The following OPCML variants were observed in gnomAD, a reference collection of about 807,000 sequenced individuals.
The protein encoded by OPCML is opioid binding protein/cell adhesion molecule like, also known as opioid-binding protein/cell adhesion molecule.
In OPCML, 13 loss-of-function variants were observed where a neutral mutation model predicts 37.8. That is an observed-to-expected ratio of 0.34 (90% confidence interval 0.22 to 0.55). OPCML has a LOEUF of 0.55. OPCML is among the 20% of genes least tolerant of loss of function. The pLI is 0.91. For synonymous variants in OPCML, 176 were observed against 168.8 expected (o/e 1.04, Z -0.33); for missense variants, 341 against 435.6 (o/e 0.78, Z 1.93).
intron 1 of OPCML, among the ~76,000 whole-genome samples, chr11:133,176,590 T>C (rs1160718447): frequency 1.3e-5 from 2 of 152,048 alleles, no homozygotes; most frequent in Non-Finnish European, 2.9e-5. Flanking sequence ...ATAGAAGCTC[T>C]CCTAAGACCT....
chr11:132,536,621 T>C (rs1041339599), intron 3 of OPCML, among the ~76,000 whole-genome samples: 7 of 152,188 alleles, frequency 4.6e-5, no homozygotes, highest in African/African-American at 1.7e-4. Flanking sequence ...TTTTAAACAC[T>C]CAAGGCTATT....
chr11:133,389,767 A>G (rs1945129374), intron 1 of OPCML, among the ~76,000 whole-genome samples: 1 of 152,214 alleles, frequency 6.6e-6, no homozygotes, highest in Non-Finnish European at 1.5e-5. Context: ...TTCAGGCTCC[A>G]TACATAGATG....
chr11:133,004,373 C>G (rs1000558828), intron 1 of OPCML: 8 of 985,350 alleles, frequency 8.1e-6, no homozygotes, highest in Admixed American at 1.2e-4. Context: ...AATGGTTCTG[C>G]TCTCTCTTCA....
rs540920113 is a variant in OPCML at position 132,943,215 on chromosome 11, G to A, written c.62-205C>T. 4.7e-4 allele frequency: 681 copies of A among 1,451,944 alleles called. 4 individuals carry two copies. Among genetic ancestry groups the A allele is most frequent in the Middle Eastern group, 3.2e-3 (18 of 5,564 alleles). The allele number at this position is 1,451,944 out of a possible 1,614,324, so 89.9% of individuals were successfully genotyped here. ...GAAGGGGCAGAGTTCGCCAGGAGCA[G>A]GGGGAAGGAGAAGAGAGGAGTCCGG... On this transcript the variant is annotated intron_variant, in intron 1 of 7. Coordinates refer to ENST00000524381, the MANE Select transcript of OPCML (RefSeq NM_001012393.5). The surrounding 1 kb of genome is among the most constrained non-coding windows in gnomAD (Gnocchi z 4.3).
chr11:132,658,166 G>A (rs1941795871), intron 2 of OPCML, among the ~76,000 whole-genome samples: 1 of 152,194 alleles, frequency 6.6e-6, no homozygotes, highest in South Asian at 2.1e-4. Context: ...TGAGGACGTG[G>A]GAATGGAAGC....
At chr11:133,273,808 A>G (rs879940847) in intron 1 of OPCML, among the ~76,000 whole-genome samples, 3 of 152,156 alleles carry the variant, frequency 2.0e-5, no homozygotes, top group African/African-American at 2.4e-5. Flanking sequence ...TTGCAAGCCA[A>G]TGTCCGTCAT....
At chr11:133,122,975 C>A (rs541299429) in intron 1 of OPCML, among the ~76,000 whole-genome samples, 1 of 152,274 alleles carries the variant, frequency 6.6e-6, no homozygotes, top group Admixed American at 6.5e-5. Context: ...TAAAATACTG[C>A]AAAGATAGAT....
intron 1 of OPCML, among the ~76,000 whole-genome samples, chr11:132,972,540 T>C (rs1425960467): frequency 6.6e-6 from 1 of 152,234 alleles, no homozygotes; most frequent in Non-Finnish European, 1.5e-5. Flanking sequence ...CGTGTGCGTT[T>C]TTATTAAAGC....
intron 2 of OPCML, among the ~76,000 whole-genome samples, chr11:132,766,040 C>A (rs1202302771): frequency 6.6e-6 from 1 of 151,442 alleles, no homozygotes; most frequent in Non-Finnish European, 1.5e-5. Context: ...AAACAAATAA[C>A]ATAAATTGAT....
chr11:132,968,060 G>A (rs2878712), intron 1 of OPCML, among the ~76,000 whole-genome samples: 2,906 of 152,180 alleles, frequency 0.019, 191 homozygotes, highest in Admixed American at 0.13. Context: ...TGTACATTCC[G>A]TGGATTTGAC....
chr11:133,202,401 G>T (rs866766239), intron 1 of OPCML, among the ~76,000 whole-genome samples: 1 of 152,302 alleles, frequency 6.6e-6, no homozygotes, highest in Non-Finnish European at 1.5e-5. Context: ...TGGACTCATG[G>T]CTTCTATGGT....
At chr11:133,239,570 G>A (rs1344214989) in intron 1 of OPCML, among the ~76,000 whole-genome samples, 2 of 152,218 alleles carry the variant, frequency 1.3e-5, no homozygotes, top group East Asian at 1.9e-4. Flanking sequence ...CCAACTTAGG[G>A]CAGCCTCTGC....
At chr11:132,955,831 C>T (rs191493055) in intron 1 of OPCML, among the ~76,000 whole-genome samples, 248 of 152,140 alleles carry the variant, frequency 1.6e-3, no homozygotes, top group African/African-American at 5.7e-3. Flanking sequence ...TGCAGTGAGC[C>T]GAGATCGCAC....
intron 3 of OPCML, among the ~76,000 whole-genome samples, chr11:132,649,170 G>A (rs900707867): frequency 2.0e-5 from 3 of 152,130 alleles, no homozygotes; most frequent in Admixed American, 6.5e-5. Context: ...ATGTGTACGT[G>A]GTGTCTGTGT....
intron 2 of OPCML, among the ~76,000 whole-genome samples, chr11:132,836,873 G>A (rs143596121): frequency 2.0e-5 from 3 of 152,266 alleles, no homozygotes; most frequent in East Asian, 3.9e-4. Context: ...CATCAGAGAA[G>A]GCAGATGTAG....
chr11:132,445,614 A>G (rs1435856779), intron 4 of OPCML, among the ~76,000 whole-genome samples: 1 of 152,222 alleles, frequency 6.6e-6, no homozygotes, highest in Non-Finnish European at 1.5e-5. Flanking sequence ...CTTTAAAAAT[A>G]GACTCTTGTG....
chr11:132,460,496 G>A (rs531944388), intron 4 of OPCML, among the ~76,000 whole-genome samples: 42 of 152,292 alleles, frequency 2.8e-4, no homozygotes, highest in African/African-American at 9.1e-4. Context: ...CATTGCCAAA[G>A]TAGAAACTTA....
intron 1 of OPCML, chr11:133,024,794 C>G (rs181816209): frequency 8.7e-5 from 86 of 985,262 alleles, no homozygotes; most frequent in African/African-American, 1.4e-4. Context: ...TAAAATGACT[C>G]TCCCAGGACT....
chr11:132,837,770 G>C (rs117843465), intron 2 of OPCML, among the ~76,000 whole-genome samples: 3,000 of 152,262 alleles, frequency 0.02, 42 homozygotes, highest in Middle Eastern at 0.038. Flanking sequence ...AGACTGGATG[G>C]ACAGGGCATG....
Sources: gnomAD v4.1 joint callset for allele counts (sites outside exome capture counted in the v4.1 genomes callset) on GRCh38, gnomAD v4.1.1 for gene constraint, Gnocchi (gnomAD v3.1) non-coding constraint, MANE v1.5 for transcripts, NCBI Gene and HGNC (gene_info 2026-07-23, HGNC 2026-07-21) for gene names.